The following FSTL4 variants were observed in gnomAD, a reference collection of about 807,000 sequenced individuals.
FSTL4 encodes follistatin like 4, also known as follistatin-related protein 4.
Under a neutral mutation model 78.2 loss-of-function variants are expected in FSTL4, and 28 were observed. The observed-to-expected ratio is 0.36, with a 90% CI of 0.27 to 0.49. FSTL4 has a LOEUF of 0.49. FSTL4 is among the 20% of genes least tolerant of loss of function. The pLI is 0.98. For missense variants in FSTL4, 922 were observed against 1,084.9 expected (o/e 0.85, Z 2.11); for synonymous variants, 422 against 440.5 (o/e 0.96, Z 0.53).
intron 3 of FSTL4, among the ~76,000 whole-genome samples, chr5:133,499,711 C>T (rs192085628): frequency 2.4e-3 from 368 of 152,248 alleles, no homozygotes; most frequent in Admixed American, 5.6e-3. Flanking sequence ...GGGCCTCTGA[C>T]ATGCTGCCAA....
intron 4 of FSTL4, among the ~76,000 whole-genome samples, chr5:133,356,540 C>T (rs1441350989): frequency 2.0e-5 from 3 of 152,234 alleles, no homozygotes; most frequent in African/African-American, 7.2e-5. Context: ...GACGCCCCTG[C>T]AGCATGTTTC....
At chr5:133,558,177 C>T (rs1759830419) in intron 3 of FSTL4, among the ~76,000 whole-genome samples, 1 of 152,214 alleles carries the variant, frequency 6.6e-6, no homozygotes, top group Admixed American at 6.5e-5. Flanking sequence ...CACCAAACTC[C>T]AATCAGCCCA....
At chr5:133,768,869 C>A in the FSTL4 span, among the ~76,000 whole-genome samples, 1 of 152,202 alleles carries the variant, frequency 6.6e-6, no homozygotes, top group Non-Finnish European at 1.5e-5. Context: ...TGCTGGGGTA[C>A]CTTGATGCTC....
upstream of FSTL4, among the ~76,000 whole-genome samples, chr5:133,615,594 A>C (rs1345442554): frequency 6.6e-6 from 1 of 152,226 alleles, no homozygotes; most frequent in Non-Finnish European, 1.5e-5. Flanking sequence ...TATTTATAGA[A>C]GTTCAGTTAT....
At chr5:133,687,899 C>G in the FSTL4 span, among the ~76,000 whole-genome samples, 1 of 152,194 alleles carries the variant, frequency 6.6e-6, no homozygotes. Context: ...GCTCCCATCC[C>G]CAGGGAAGCT....
At chr5:133,670,178 C>T in the FSTL4 span, among the ~76,000 whole-genome samples, 3 of 152,210 alleles carry the variant, frequency 2.0e-5, no homozygotes, top group Non-Finnish European at 2.9e-5. Context: ...CCTTTCTGAG[C>T]ATGAGGTGGC....
At chr5:133,344,969 T>TA (rs1252881355) in intron 4 of FSTL4, among the ~76,000 whole-genome samples, 1 of 101,866 alleles carries the variant, frequency 9.8e-6, no homozygotes, top group African/African-American at 5.3e-5. Flanking sequence ...ATGCCCCCAC[T>TA]TTTTTTTTTT....
intron 14 of FSTL4, among the ~76,000 whole-genome samples, chr5:133,205,591 AGCCATGT>A (rs1750472084): frequency 6.6e-6 from 1 of 152,206 alleles, no homozygotes; most frequent in South Asian, 2.1e-4. Context: ...AAAAATCATA[AGCCATGT>A]GGTTTCAATG....
At chr5:133,779,012 G>C in the FSTL4 span, among the ~76,000 whole-genome samples, 1 of 152,208 alleles carries the variant, frequency 6.6e-6, no homozygotes, top group Non-Finnish European at 1.5e-5. Flanking sequence ...TGGTGGGGCA[G>C]GGGGAGGACC....
chr5:133,217,256 G>T lies in FSTL4; in HGVS notation c.1581C>A (p.Val527=). The stretch of plus-strand genomic sequence containing the variant: ...GTAGGACTTTCTGGGCTTGGATGTC[G>T]ACCACAAGGACTCTGCTCAGTGCTG... ...AQPALSRVLV[V]DIQAQKVLQS... The change falls in exon 13 of 16, where the codon GTC becomes GTA. Residue 527 remains valine (V), a synonymous_variant. Coordinates refer to ENST00000265342, the MANE Select transcript of FSTL4 (RefSeq NM_015082.2). 6.2e-7 allele frequency: 1 copy of T among 1,613,892 alleles called. No homozygotes were observed. The highest frequency in any genetic ancestry group is 1.1e-5 in the South Asian group (1 of 91,026).
At chr5:133,823,645 A>G in the FSTL4 span, among the ~76,000 whole-genome samples, 4 of 152,296 alleles carry the variant, frequency 2.6e-5, no homozygotes, top group African/African-American at 9.6e-5. Context: ...GCTGGAAACC[A>G]GGGGAGTCCT....
At chr5:133,462,870 T>C (rs1197127119) in intron 3 of FSTL4, among the ~76,000 whole-genome samples, 1 of 152,198 alleles carries the variant, frequency 6.6e-6, no homozygotes, top group Non-Finnish European at 1.5e-5. Flanking sequence ...TGGGGCTTTC[T>C]GTAACCTAGA....
intron 3 of FSTL4, among the ~76,000 whole-genome samples, chr5:133,540,719 G>GGAAAAAA (rs1759448227): frequency 2.3e-5 from 1 of 42,686 alleles, no homozygotes; most frequent in Non-Finnish European, 4.2e-5. Flanking sequence ...TTTAACATAG[G>GGAAAAAA]CAAAAAAAAA....
At chr5:133,613,557 G>T (rs1288449135), upstream of FSTL4, among the ~76,000 whole-genome samples, 2 of 152,204 alleles carry the variant, frequency 1.3e-5, no homozygotes, top group African/African-American at 4.8e-5. Flanking sequence ...TATTACGTTT[G>T]TTTTTTCCTT....
chr5:133,341,198 C>T (rs1435846160), intron 4 of FSTL4, among the ~76,000 whole-genome samples: 4 of 146,710 alleles, frequency 2.7e-5, no homozygotes, highest in East Asian at 2.0e-4. Flanking sequence ...TACTAGTTAA[C>T]GTGAATATGT....
intron 6 of FSTL4, chr5:133,252,405 G>A (rs1440014408): frequency 6.6e-6 from 1 of 152,104 alleles, no homozygotes; most frequent in African/African-American, 2.4e-5. Context: ...TCTGGGGGTG[G>A]GTAATTAAAA....
chr5:133,561,037 C>T (rs1211469720), intron 3 of FSTL4, among the ~76,000 whole-genome samples: 4 of 150,526 alleles, frequency 2.7e-5, no homozygotes, highest in African/African-American at 7.3e-5. Flanking sequence ...TGCAGTGAGC[C>T]GAGATCGCAC....
At chr5:133,415,738 C>T (rs1053698852) in intron 3 of FSTL4, among the ~76,000 whole-genome samples, 3 of 151,914 alleles carry the variant, frequency 2.0e-5, no homozygotes, top group South Asian at 2.1e-4. Flanking sequence ...GGTGCGGCAG[C>T]GTGGCAGGGG....
At chr5:133,332,226 A>C (rs1284648493) in intron 4 of FSTL4, among the ~76,000 whole-genome samples, 3 of 152,226 alleles carry the variant, frequency 2.0e-5, no homozygotes, top group African/African-American at 7.2e-5. Flanking sequence ...GAACACCGGG[A>C]AAGGAGCGAA....
Sources: gnomAD v4.1 joint callset for allele counts (sites outside exome capture counted in the v4.1 genomes callset) on GRCh38, gnomAD v4.1.1 for gene constraint, MANE v1.5 for transcripts, NCBI Gene and HGNC (gene_info 2026-07-23, HGNC 2026-07-21) for gene names.